The following SIPA1L3 variants were observed in gnomAD, a reference collection of about 807,000 sequenced individuals.
SIPA1L3 encodes signal-induced proliferation-associated 1-like protein 3.
SIPA1L3 carries 59 observed loss-of-function variants against 150.1 expected under a neutral mutation model. The observed-to-expected ratio is 0.39, with a 90% CI of 0.32 to 0.49. SIPA1L3 has a LOEUF of 0.49. Ranked by LOEUF, SIPA1L3 falls within the 20% of genes least tolerant of loss-of-function variation. The probability of loss-of-function intolerance (pLI) is 0.86; values close to 1 mark genes in which losing one functional copy is unlikely to be tolerated. For synonymous variants in SIPA1L3, 1,070 were observed against 1,077.6 expected (o/e 0.99, Z 0.14); for missense variants, 2,211 against 2,489.5 (o/e 0.89, Z 2.38).
intron 8 of SIPA1L3, 150 bp downstream of exon 8, chr19:38,110,534 G>A (rs913854285): frequency 3.5e-6 from 2 of 565,260 alleles, no homozygotes; most frequent in Non-Finnish European, 6.0e-6. Context: ...CTCAGAGAGT[G>A]GTTTTTAGCC....
At chr19:38,193,016 C>G (rs1014973925) in intron 17 of SIPA1L3, among the ~76,000 whole-genome samples, 8 of 151,960 alleles carry the variant, frequency 5.3e-5, no homozygotes, top group African/African-American at 1.9e-4. Flanking sequence ...GAGTGGGAGT[C>G]CCTGGGGGAA....
chr19:37,941,179 G>A (rs1039666869), intron 1 of SIPA1L3, among the ~76,000 whole-genome samples: 3 of 151,842 alleles, frequency 2.0e-5, no homozygotes, highest in African/African-American at 7.3e-5. Context: ...CTGTGTATCC[G>A]TTAGGGATGT....
chr19:37,985,478 TAGAG>T (rs1185418262), intron 1 of SIPA1L3, among the ~76,000 whole-genome samples: 2 of 150,900 alleles, frequency 1.3e-5, no homozygotes, highest in East Asian at 1.9e-4. Context: ...GCCTAGACAA[TAGAG>T]AGAGAGAAAG....
chr19:37,955,225 CTACTAAAAA>C (rs1282768302), intron 1 of SIPA1L3, among the ~76,000 whole-genome samples: 1 of 151,780 alleles, frequency 6.6e-6, no homozygotes, highest in Non-Finnish European at 1.5e-5. Flanking sequence ...AACCCCGTCT[CTACTAAAAA>C]TACAAAATTA....
At chr19:37,999,950 C>G (rs182242901) in intron 1 of SIPA1L3, among the ~76,000 whole-genome samples, 354 of 152,294 alleles carry the variant, frequency 2.3e-3, no homozygotes, top group African/African-American at 8.1e-3. Flanking sequence ...CCCACCACCC[C>G]CACTAACACT....
intron 3 of SIPA1L3, among the ~76,000 whole-genome samples, chr19:38,086,937 G>A (rs1439080806): frequency 1.3e-5 from 2 of 152,196 alleles, no homozygotes; most frequent in African/African-American, 2.4e-5. Context: ...TAATGTTGCT[G>A]ATGACACGCC....
intron 2 of SIPA1L3, among the ~76,000 whole-genome samples, chr19:38,035,025 G>A (rs923957186): frequency 6.6e-6 from 1 of 152,196 alleles, no homozygotes; most frequent in African/African-American, 2.4e-5. Flanking sequence ...AGACCCCAGA[G>A]TGGTCAGGTC....
At position 38,100,918 on chromosome 19, in the gene SIPA1L3, G is replaced by A. The variant is rs562088216; in HGVS notation, c.1855-134G>A. ...CCATGCCCCAACACTGTTTTCCCCT[G>A]TCTGGCTATGGCTCTGGGTTCCCGA... is the stretch of plus-strand genomic sequence containing the variant. On this transcript the variant is annotated intron_variant, in intron 5 of 21. Transcript: ENST00000222345. The A allele has an allele frequency of 4.1e-5, 41 of 996,212 alleles. No individual in the cohort carries two copies. In the African/African-American group the frequency reaches 6.5e-4, roughly 16 times the overall value. 61.7% of individuals were successfully genotyped at this position (996,212 alleles called of 1,614,324 possible). A position where few individuals can be genotyped will look rare whatever the true frequency, so the allele number is the denominator to read the frequency against.
At chr19:37,921,689 C>T (rs2046458882) in intron 1 of SIPA1L3, among the ~76,000 whole-genome samples, 1 of 151,922 alleles carries the variant, frequency 6.6e-6, no homozygotes, top group Non-Finnish European at 1.5e-5. Context: ...CAACCTCGAA[C>T]TCCTGGGCTC....
At chr19:38,096,385 G>A (rs560558061) in intron 4 of SIPA1L3, among the ~76,000 whole-genome samples, 12 of 152,230 alleles carry the variant, frequency 7.9e-5, no homozygotes, top group African/African-American at 2.6e-4. Context: ...GAGTAACTGG[G>A]ATTAGAGGCA....
chr19:38,121,525 G>C (rs879402075), intron 9 of SIPA1L3, among the ~76,000 whole-genome samples: 12 of 151,030 alleles, frequency 7.9e-5, no homozygotes, highest in Middle Eastern at 3.4e-3. Flanking sequence ...CAGATCACAA[G>C]GTCAGGAGAT....
At chr19:37,989,337 A>C (rs1260253009) in intron 1 of SIPA1L3, among the ~76,000 whole-genome samples, 1 of 152,066 alleles carries the variant, frequency 6.6e-6, no homozygotes, top group East Asian at 1.9e-4. Context: ...CTCCCACCTC[A>C]GCCTCCTGAG....
intron 13 of SIPA1L3, among the ~76,000 whole-genome samples, chr19:38,157,986 A>T (rs1321574151): frequency 6.6e-6 from 1 of 152,176 alleles, no homozygotes; most frequent in Non-Finnish European, 1.5e-5. Flanking sequence ...CATGTCTGTA[A>T]TCCCAGCACT....
chr19:38,199,199 C>T (rs921088781), intron 19 of SIPA1L3, among the ~76,000 whole-genome samples: 16 of 152,298 alleles, frequency 1.1e-4, no homozygotes, highest in Admixed American at 6.5e-5. Flanking sequence ...TCCGTGCTGA[C>T]GGGGCCAGGC....
chr19:37,953,393 C>T (rs2046781700), intron 1 of SIPA1L3, among the ~76,000 whole-genome samples: 1 of 152,138 alleles, frequency 6.6e-6, no homozygotes, highest in Non-Finnish European at 1.5e-5. Context: ...CCCCAGGTAA[C>T]TTTGGAAAGA....
At chr19:37,984,955 T>C (rs1967307780) in intron 1 of SIPA1L3, among the ~76,000 whole-genome samples, 1 of 152,220 alleles carries the variant, frequency 6.6e-6, no homozygotes, top group Non-Finnish European at 1.5e-5. Context: ...CTAAACACTG[T>C]TTCAAGGCCC....
intron 15 of SIPA1L3, among the ~76,000 whole-genome samples, chr19:38,167,656 C>A (rs982788067): frequency 6.6e-6 from 1 of 152,162 alleles, no homozygotes; most frequent in African/African-American, 2.4e-5. Context: ...TCGAACTCCT[C>A]AGCTCAAGTG....
At chr19:38,154,377 C>A (rs1340366990) in intron 13 of SIPA1L3, among the ~76,000 whole-genome samples, 2 of 152,180 alleles carry the variant, frequency 1.3e-5, no homozygotes, top group African/African-American at 2.4e-5. Context: ...CATAGGTTCA[C>A]ATTTCTGTAG....
At chr19:38,016,967 G>T (rs1157264800) in intron 1 of SIPA1L3, among the ~76,000 whole-genome samples, 3 of 125,276 alleles carry the variant, frequency 2.4e-5, no homozygotes, top group Non-Finnish European at 4.7e-5. Context: ...CGTGATCTCA[G>T]CTCACTGCAG....
Sources: gnomAD v4.1 joint callset for allele counts (sites outside exome capture counted in the v4.1 genomes callset) on GRCh38, gnomAD v4.1.1 for gene constraint, MANE v1.5 for transcripts, NCBI Gene and HGNC (gene_info 2026-07-23, HGNC 2026-07-21) for gene names.